Variants in NLRP2 observed in about 807,000 individuals in gnomAD.
The protein encoded by NLRP2 is NACHT, LRR and PYD domains-containing protein 2.
A neutral mutation model predicts 97.2 loss-of-function variants in NLRP2; 107 were observed. That is an observed-to-expected ratio of 1.10 (90% confidence interval 0.94 to 1.29). The LOEUF (loss-of-function observed/expected upper bound fraction) is 1.29, where lower values mean the gene tolerates loss of function less well. Among genes scored for constraint, NLRP2 ranks in the 50% most tolerant of loss-of-function variants. The pLI, the probability that NLRP2 is intolerant of heterozygous loss-of-function variation, is 0.00. For missense variants in NLRP2, 1,495 were observed against 1,330.3 expected (o/e 1.12, Z -1.93); for synonymous variants, 663 against 551.5 (o/e 1.20, Z -2.83).
intron 5 of NLRP2, 108 bp from the exon 6 acceptor site, chr19:54,982,054 A>G: frequency 7.2e-7 from 1 of 1,397,940 alleles, no homozygotes; most frequent in East Asian, 2.3e-5. Context: ...CTGGGATTAC[A>G]GGCATGAGCC....
In NLRP2 at chr19:54,983,032, G is replaced by T; in HGVS notation, c.1334G>T (p.Gly445Val). Residue 445 changes from glycine (G) to valine (V), a missense_variant, in exon 6 of 13, where the codon GGC becomes GTC. Physicochemically the swap from Gly to Val is moderately radical, Grantham distance 109 (BLOSUM62 -3). Transcript: ENST00000448584. Reference protein sequence around the residue: ...SRFPQGAQLRGALRTLSLLAA... With the variant: ...SRFPQGAQLRVALRTLSLLAA... ...TTCCCGCAGGGCGCACAGCTGCGGG[G>T]CGCGCTGCGGACGCTGAGCCTCCTG... The T allele has an allele frequency of 2.5e-6, 4 of 1,610,828 alleles. No individual in the cohort carries two copies. The highest frequency in any genetic ancestry group is 3.4e-6 in the Non-Finnish European group (4 of 1,179,178).
Position 54,967,917 on chromosome 19 carries a change from A to ATTTTTT in NLRP2, c.-18+1464_-18+1469dup, listed in dbSNP as rs55659818. Among the ~76,000 whole-genome samples, 767 of 126,232 alleles carry ATTTTTT rather than the reference A, an allele frequency of 6.1e-3. 13 individuals carry two copies. The highest frequency in any genetic ancestry group is 0.013 in the Middle Eastern group (3 of 230). 82.8% of individuals were successfully genotyped at this position (126,232 alleles called of 152,430 possible). A position where few individuals can be genotyped will look rare whatever the true frequency, so the allele number is the denominator to read the frequency against. On this transcript the variant is annotated intron_variant, in intron 1 of 12. Coordinates refer to ENST00000448584, the MANE Select transcript of NLRP2 (RefSeq NM_017852.5). ...CTGTAAAGTTTTTGTTGCTACTGCT[A>ATTTTTT]TTTTTTTTTTTTTTTTTTTGAGACA...
intron 3 of NLRP2, 36 bp from the exon 4 acceptor site, chr19:54,977,716 C>T: frequency 6.2e-7 from 1 of 1,608,586 alleles, no homozygotes; most frequent in Non-Finnish European, 8.5e-7. Context: ...ACTGCCAGCA[C>T]AGCAACAGGC....
At chr19:54,985,634 T>A (rs1316694310) in intron 7 of NLRP2, among the ~76,000 whole-genome samples, 1 of 136,444 alleles carries the variant, frequency 7.3e-6, no homozygotes, top group Non-Finnish European at 1.5e-5. Context: ...ACCAAGATCC[T>A]GCCACTGGAC....
chr19:54,992,394 C>G (rs1222895802), intron 10 of NLRP2, among the ~76,000 whole-genome samples: 3 of 151,806 alleles, frequency 2.0e-5, no homozygotes, highest in Non-Finnish European at 4.4e-5. Flanking sequence ...TCTTCCCACA[C>G]CCACTATATC....
In NLRP2 at chr19:54,979,306, C is replaced by T. The variant is rs190602199; in HGVS notation, c.397+1483C>T. On this transcript the variant is annotated intron_variant, in intron 4 of 12. Coordinates refer to ENST00000448584, the MANE Select transcript of NLRP2 (RefSeq NM_017852.5). ...AGCCTGTGATCAGTTTCAGATCAGC[C>T]TTGCTTACTCCACATTCCCTCTTAT... Among the ~76,000 whole-genome samples, 348 of 151,566 alleles carry T rather than the reference C, an allele frequency of 2.3e-3. 3 individuals carry two copies. The highest frequency in any genetic ancestry group is 7.5e-3 in the African/African-American group (311 of 41,354).
intron 12 of NLRP2, among the ~76,000 whole-genome samples, chr19:54,998,556 TTTA>T (rs1447951350): frequency 7.9e-5 from 12 of 150,958 alleles, no homozygotes; most frequent in Non-Finnish European, 1.2e-4. Context: ...TGTTTGTTTA[TTTA>T]TTATTTATTT....
At position 54,982,401 on chromosome 19, in the gene NLRP2, C is replaced by G. The variant is rs1258916220; in HGVS notation, c.703C>G (p.Leu235Val). Residue 235 changes from leucine to valine, a missense_variant, in exon 6 of 13, where the codon CTC (leucine) becomes GTC (valine). Leu to Val is a conservative substitution (Grantham distance 32). Transcript: ENST00000448584. The stretch of plus-strand genomic sequence containing the variant: ...AATGCTAGACTGGGCAGAGGACAAC[C>G]TCATCCACAAATTCAAATATGCGTT... ...KLMLDWAEDN[L>V]IHKFKYAFYL... 1.2e-6 allele frequency: 2 copies of G among 1,614,106 alleles called. No homozygotes were observed. The highest frequency in any genetic ancestry group is 1.7e-5 in the Admixed American group (1 of 60,004).
intron 6 of NLRP2, among the ~76,000 whole-genome samples, chr19:54,984,485 C>CTTTTTTTTTTTTTTTTTTCTTTTTTTTTT (rs36061621): frequency 1.3e-5 from 1 of 76,914 alleles, no homozygotes; most frequent in Non-Finnish European, 2.3e-5. Context: ...TATTCCCAAT[C>CTTTTTTTTTTTTTTTTTTCTTTTTTTTTT]TTTTTTTTTT....
chr19:54,977,827 G>C lies in NLRP2; in HGVS notation c.397+4G>C, dbSNP rs1489860556. 6.2e-7 allele frequency: 1 copy of C among 1,613,302 alleles called. No individual in the cohort carries two copies. The highest frequency in any genetic ancestry group is 8.5e-7 in the Non-Finnish European group (1 of 1,179,898). On this transcript the variant is annotated splice_donor_region_variant and intron_variant, in intron 4 of 12. Coordinates refer to ENST00000448584, the MANE Select transcript of NLRP2 (RefSeq NM_017852.5). ...CGCTTCAAAACAGAAGCACAAGGTG[G>C]GTGTCAGGACCTCCAATGTTGGAGT...
At position 54,981,477 on chromosome 19, in the gene NLRP2, AT is replaced by A. The variant is rs2071566652; in HGVS notation, c.398-137del. 5 of 681,556 alleles carry A rather than the reference AT, an allele frequency of 7.3e-6. No homozygotes were observed. The Admixed American group carries it at 1.0e-4, about 14-fold the overall frequency. The allele number at this position is 681,556 out of a possible 1,614,324, so 42.2% of individuals were successfully genotyped here. A position where few individuals can be genotyped will look rare whatever the true frequency, so the allele number is the denominator to read the frequency against. On this transcript the variant is annotated intron_variant, in intron 4 of 12. Coordinates refer to ENST00000448584, the MANE Select transcript of NLRP2 (RefSeq NM_017852.5). ...GCCACCACACCTGGCCGGAAAACACATTTGTAGCTTATTTGCTTTATCTGAT... is the reference window on the plus strand; with the variant it reads ...GCCACCACACCTGGCCGGAAAACACATTGTAGCTTATTTGCTTTATCTGAT...
At position 54,983,727 on chromosome 19, in the gene NLRP2, A is replaced by G; in HGVS notation, c.2029A>G (p.Arg677Gly). 1 of 1,610,016 alleles carries G rather than the reference A, an allele frequency of 6.2e-7. No individual in the cohort carries two copies. The highest frequency in any genetic ancestry group is 8.5e-7 in the Non-Finnish European group (1 of 1,179,888). Residue 677 changes from arginine to glycine, a missense_variant and splice_region_variant, in exon 6 of 13, where the codon AGA (arginine) becomes GGA (glycine). Transcript: ENST00000448584. ...GTCTGAATCAGACGCCGAGGTTGAG[A>G]GGTGAGAACCGTTTCACTCTACCAG... ...TASESDAEVE[R>G]SQDDQHMLPF...
intron 4 of NLRP2, among the ~76,000 whole-genome samples, chr19:54,979,237 G>A (rs1399751793): frequency 1.3e-5 from 2 of 151,934 alleles, no homozygotes; most frequent in African/African-American, 4.8e-5. Context: ...CACCTACCTC[G>A]GTCTCCTAAA....
At chr19:54,974,827 G>T (rs1042513009) in intron 3 of NLRP2, among the ~76,000 whole-genome samples, 8 of 152,072 alleles carry the variant, frequency 5.3e-5, no homozygotes, top group Non-Finnish European at 8.8e-5. Context: ...TGAGATGGAG[G>T]CTTGCTCTGT....
intron 2 of NLRP2, 45 bp downstream of exon 2, chr19:54,970,340 G>A (rs372359905): frequency 2.9e-5 from 46 of 1,605,988 alleles, no homozygotes; most frequent in Middle Eastern, 3.3e-4. Flanking sequence ...GGAAGCAGGC[G>A]TCCTCTCCAG....
upstream of NLRP2, chr19:54,966,170 AT>A (rs1279361618): frequency 6.6e-6 from 1 of 151,512 alleles, no homozygotes; most frequent in Non-Finnish European, 1.5e-5. Flanking sequence ...AGTGTAACCA[AT>A]CAAGCAGAAT....
At chr19:54,984,933 T>G (rs1339869450) in intron 6 of NLRP2, 114 bp from the exon 7 acceptor site, 25 of 963,710 alleles carry the variant, frequency 2.6e-5, no homozygotes, top group Non-Finnish European at 6.7e-6. Context: ...AGTGATTACA[T>G]GGTCCAGCTT....
At chr19:54,997,238 C>T (rs943255196) in intron 11 of NLRP2, 79 bp from the exon 12 acceptor site, 3 of 1,443,972 alleles carry the variant, frequency 2.1e-6, no homozygotes, top group African/African-American at 2.8e-5. Context: ...ATCCCCAACA[C>T]ACGAGGGTGG....
intron 11 of NLRP2, among the ~76,000 whole-genome samples, chr19:54,997,114 G>C (rs2072871409): frequency 6.6e-6 from 1 of 152,180 alleles, no homozygotes; most frequent in Non-Finnish European, 1.5e-5. Context: ...TACCATGTTA[G>C]GTTGGTCTTG....
Sources: gnomAD v4.1 joint callset for allele counts (sites outside exome capture counted in the v4.1 genomes callset) on GRCh38, gnomAD v4.1.1 for gene constraint, MANE v1.5 for transcripts, NCBI Gene and HGNC (gene_info 2026-07-23, HGNC 2026-07-21) for gene names.